ASIP: variants seen among roughly 807,000 people sequenced by gnomAD.
ASIP encodes the protein agouti signaling protein, also known as agouti-signaling protein.
Under a neutral mutation model 10.3 loss-of-function variants are expected in ASIP, and 11 were observed. The ratio of observed to expected loss-of-function variants is 1.07; its 90% CI spans 0.68 to 1.78. The LOEUF (loss-of-function observed/expected upper bound fraction) is 1.78, where lower values mean the gene tolerates loss of function less well. ASIP is among the 40% of genes most tolerant of loss of function. ASIP has a pLI of 0.00. For missense variants in ASIP, 180 were observed against 169.2 expected (o/e 1.06, Z -0.35); for synonymous variants, 70 against 70.8 (o/e 0.99, Z 0.06).
At chr20:34,190,604 G>C (rs905363672), upstream of ASIP, among the ~76,000 whole-genome samples, 4 of 152,110 alleles carry the variant, frequency 2.6e-5, no homozygotes, top group Admixed American at 2.6e-4. Flanking sequence ...AGATACTTCA[G>C]AGTAAACAGA....
At chr20:34,243,758 TAAAAA>T (rs760280764) in intron 1 of ASIP, among the ~76,000 whole-genome samples, 1 of 134,048 alleles carries the variant, frequency 7.5e-6, no homozygotes, top group Admixed American at 7.6e-5. Context: ...ATATTGTATT[TAAAAA>T]AAAAAAAAAA....
intron 1 of ASIP, among the ~76,000 whole-genome samples, chr20:34,210,237 A>G (rs546497665): frequency 3.5e-4 from 53 of 152,350 alleles, no homozygotes. Flanking sequence ...GAGGGTGAAG[A>G]GAAGGATAGA....
intron 2 of ASIP, among the ~76,000 whole-genome samples, chr20:34,262,595 T>A (rs1349777786): frequency 6.6e-6 from 1 of 152,158 alleles, no homozygotes; most frequent in Non-Finnish European, 1.5e-5. Context: ...CAGTGCCTGC[T>A]TGGATTTCCC....
intron 1 of ASIP, among the ~76,000 whole-genome samples, chr20:34,246,840 T>G (rs1205708684): frequency 6.6e-6 from 1 of 152,154 alleles, no homozygotes; most frequent in Non-Finnish European, 1.5e-5. Flanking sequence ...ACTCTTCTAT[T>G]TATTTCTTTT....
chr20:34,193,903 TTGTGCCA>T (rs1252478150), upstream of ASIP, among the ~76,000 whole-genome samples: 1 of 152,230 alleles, frequency 6.6e-6, no homozygotes, highest in Non-Finnish European at 1.5e-5. Flanking sequence ...GACAGCTTTG[TTGTGCCA>T]TGTGGCTGAC....
At chr20:34,247,155 GT>G in intron 1 of ASIP, among the ~76,000 whole-genome samples, 2 of 152,098 alleles carry the variant, frequency 1.3e-5, no homozygotes, top group Middle Eastern at 6.8e-3. Flanking sequence ...AATGTAGCCC[GT>G]TGTGTTTAAC....
rs918242898 is a variant in ASIP, at chr20:34,252,699, G to T, written c.-10-7666G>T. Among the ~76,000 whole-genome samples the T allele has an allele frequency of 2.6e-5, 4 of 152,120 alleles. No homozygotes were observed. In the East Asian group the frequency reaches 7.7e-4, roughly 29 times the overall value. The stretch of plus-strand genomic sequence containing the variant: ...CCCCCTCAGCACAGACCCTTTATGG[G>T]TGTCGGGTTGGGGGATGGTAAGGTC... On this transcript the variant is annotated intron_variant, in intron 1 of 3. Transcript: ENST00000374954.
rs943568156 is a variant in ASIP, at chr20:34,213,484, A to G, written c.-11+18724A>G. ...TGAGACAGTTTTGAAGTGAACACTG[A>G]AAAAGTCTGTCTCTAAAGCAGCAGA... On this transcript the variant is annotated intron_variant, in intron 1 of 3. Coordinates refer to the ASIP transcript ENST00000568305. 6.6e-6 allele frequency: 9 copies of G among 1,368,106 alleles called. No homozygotes were observed. In the South Asian group the frequency reaches 1.2e-4, roughly 19 times the overall value. 84.7% of individuals were successfully genotyped at this position (1,368,106 alleles called of 1,614,324 possible).
intron 1 of ASIP, among the ~76,000 whole-genome samples, chr20:34,200,207 T>C (rs2034883663): frequency 6.6e-6 from 1 of 152,218 alleles, no homozygotes; most frequent in African/African-American, 2.4e-5. Context: ...GGTTCCTTTT[T>C]TTAAATGTTG....
At chr20:34,263,723 C>T (rs1222429439) in intron 3 of ASIP, among the ~76,000 whole-genome samples, 6 of 144,618 alleles carry the variant, frequency 4.1e-5, no homozygotes, top group Admixed American at 1.4e-4. Context: ...GGCCAGAGTT[C>T]GGTGGCGTGA....
intron 1 of ASIP, among the ~76,000 whole-genome samples, chr20:34,246,986 T>TTTTTTTGTTTTTTGTTTTTTGTTTTTTTG (rs368298095): frequency 6.6e-6 from 1 of 151,588 alleles, no homozygotes; most frequent in Non-Finnish European, 1.5e-5. Context: ...TTGGTTTTTG[T>TTTTTTTGTTTTTTGTTTTTTGTTTTTTTG]TTTTTTGTTT....
At chr20:34,257,523 C>T (rs1003583835) in intron 1 of ASIP, among the ~76,000 whole-genome samples, 7 of 151,918 alleles carry the variant, frequency 4.6e-5, no homozygotes, top group African/African-American at 1.7e-4. Flanking sequence ...ATCAATGATA[C>T]AGAATAAAAA....
chr20:34,196,816 G>A (rs2034860563), intron 1 of ASIP, among the ~76,000 whole-genome samples: 2 of 152,088 alleles, frequency 1.3e-5, no homozygotes, highest in South Asian at 4.1e-4. Context: ...TGTTATGGAG[G>A]GCATACGCCC....
intron 1 of ASIP, among the ~76,000 whole-genome samples, chr20:34,251,496 G>T (rs1319016216): frequency 1.3e-5 from 2 of 151,978 alleles, no homozygotes; most frequent in African/African-American, 2.4e-5. Context: ...GGATGGTCTT[G>T]ATCTCCTGAC....
In ASIP at chr20:34,221,487, A is replaced by T. The variant is rs1412096274; in HGVS notation, c.-11+26727A>T. Among the ~76,000 whole-genome samples the T allele has an allele frequency of 3.3e-5, 5 of 152,218 alleles. No homozygotes were observed. The East Asian group carries it at 9.6e-4, about 29-fold the overall frequency. ...CCTCTTTTTATCATGTTCCAGGGAC[A>T]CTGAGATGAATCTGATCCATGGGTT... On this transcript the variant is annotated intron_variant, in intron 1 of 3. Transcript: ENST00000568305.
chr20:34,220,283 A>G (rs1208418125), intron 1 of ASIP, among the ~76,000 whole-genome samples: 1 of 151,910 alleles, frequency 6.6e-6, no homozygotes, highest in Non-Finnish European at 1.5e-5. Context: ...GGCATTTTCA[A>G]TACAAGAGAT....
At chr20:34,223,277 G>A (rs1307147484) in intron 1 of ASIP, among the ~76,000 whole-genome samples, 2 of 149,658 alleles carry the variant, frequency 1.3e-5, no homozygotes, top group African/African-American at 5.0e-5. Flanking sequence ...CCTCTGCCCT[G>A]CCGCCCCGTC....
At chr20:34,193,425 C>T (rs1310136356), upstream of ASIP, among the ~76,000 whole-genome samples, 1 of 151,786 alleles carries the variant, frequency 6.6e-6, no homozygotes, top group Non-Finnish European at 1.5e-5. Context: ...GCCTTTTTTT[C>T]TTCCATCTTT....
rs1224379969 is a variant in ASIP, at chr20:34,269,104, C to T, written c.336C>T (p.Ala112=). ...CACCCGCCTGCTGCGACCCGTGCGC[C>T]TCCTGCCAGTGCCGCTTCTTCCGCA... ...PPAPACCDPC[A]SCQCRFFRSA... Residue 112 remains alanine, a synonymous_variant, in exon 4 of 4, where the codon GCC becomes GCT. Transcript: ENST00000374954. The T allele has an allele frequency of 6.4e-7, 1 of 1,566,546 alleles. No individual in the cohort carries two copies. Among genetic ancestry groups the T allele is most frequent in the African/African-American group, 1.4e-5 (1 of 73,570 alleles).
Sources: allele counts gnomAD v4.1 joint callset (sites outside exome capture counted in the v4.1 genomes callset), GRCh38; gene constraint gnomAD v4.1.1; transcripts MANE v1.5; gene names NCBI Gene and HGNC (gene_info 2026-07-23, HGNC 2026-07-21).